The following ITGA11 variants were observed in gnomAD, a reference collection of about 807,000 sequenced individuals.
ITGA11 encodes integrin subunit alpha 11.
ITGA11 carries 97 observed loss-of-function variants against 141.9 expected under a neutral mutation model. The ratio of observed to expected loss-of-function variants is 0.68; its 90% CI spans 0.58 to 0.81. The LOEUF (loss-of-function observed/expected upper bound fraction) is 0.81. ITGA11 is among the 30% of genes least tolerant of loss of function. ITGA11 has a pLI of 0.00. For missense variants in ITGA11, 1,387 were observed against 1,559.2 expected (o/e 0.89, Z 1.86); for synonymous variants, 658 against 624.6 (o/e 1.05, Z -0.80).
At chr15:68,370,200 G>A (rs1895545460) in intron 2 of ITGA11, among the ~76,000 whole-genome samples, 1 of 152,184 alleles carries the variant, frequency 6.6e-6, no homozygotes, top group African/African-American at 2.4e-5. Context: ...CACGCAGGTT[G>A]TGATCATCTG....
intron 26 of ITGA11, among the ~76,000 whole-genome samples, chr15:68,309,401 C>T (rs557463164): frequency 6.6e-6 from 1 of 152,096 alleles, no homozygotes; most frequent in East Asian, 1.9e-4. Context: ...TGCTCCTGCT[C>T]GCTCCTCTCA....
intron 2 of ITGA11, among the ~76,000 whole-genome samples, chr15:68,373,972 T>A (rs985583476): frequency 6.6e-6 from 1 of 152,218 alleles, no homozygotes. Context: ...TTTTACTGCA[T>A]AGTAAGTCTG....
rs369089926 is a variant in ITGA11 at position 68,339,473 on chromosome 15, C to T, written c.1276+27G>A. ...GGTGCCCTCCCGGCCCACGACCCGC[C>T]AGCCTCCCCTCACTCTGCGCTCTTA... On this transcript the variant is annotated intron_variant, in intron 11 of 29. Transcript: ENST00000315757. The T allele has an allele frequency of 3.7e-6, 6 of 1,600,680 alleles. No individual in the cohort carries two copies. The African/African-American group carries it at 6.7e-5, about 18-fold the overall frequency.
At chr15:68,416,263 T>G (rs1419636475) in intron 1 of ITGA11, among the ~76,000 whole-genome samples, 1 of 152,068 alleles carries the variant, frequency 6.6e-6, no homozygotes, top group Non-Finnish European at 1.5e-5. Context: ...AAAAAAACAA[T>G]CAATCTGGGG....
chr15:68,365,427 G>C (rs1312784716), intron 3 of ITGA11: 20 of 694,284 alleles, frequency 2.9e-5, no homozygotes, highest in Non-Finnish European at 3.0e-5. Flanking sequence ...AATAGGGAGA[G>C]GGTCAGCTCT....
Position 68,320,202 on chromosome 15 carries a change from C to A in ITGA11, c.2599G>T (p.Ala867Ser). ...GGTCTTACCTTCTGGATCAAGCTGG[C>A]AAACTGCAGGTTTGCTGACTGCGAG... ...NISQSANLQFASLIQKEDSDG... is the reference protein window; with the variant it reads ...NISQSANLQFSSLIQKEDSDG... The change falls in exon 20 of 30, where the codon GCC becomes TCC. Residue 867 changes from alanine (A) to serine (S), a missense_variant. Coordinates refer to ENST00000315757, the MANE Select transcript of ITGA11 (RefSeq NM_001004439.2). 6.2e-7 allele frequency: 1 copy of A among 1,614,002 alleles called. No homozygotes were observed. The highest frequency in any genetic ancestry group is 2.2e-5 in the East Asian group (1 of 44,878).
Position 68,303,934 on chromosome 15 carries a change from G to C in ITGA11, c.3382-49C>G, listed in dbSNP as rs1294689466. The C allele has an allele frequency of 2.3e-6, 3 of 1,309,386 alleles. No homozygotes were observed. In the African/African-American group the frequency reaches 4.4e-5, roughly 19 times the overall value. The allele number at this position is 1,309,386 out of a possible 1,614,324, so 81.1% of individuals were successfully genotyped here. A position where few individuals can be genotyped will look rare whatever the true frequency, so the allele number is the denominator to read the frequency against. On this transcript the variant is annotated intron_variant, in intron 28 of 29. Transcript: ENST00000315757. This position sits in a 1 kb window ranked among gnomAD's most constrained non-coding sequence, Gnocchi z 5.3. ...CAACAGCATTACTCTTCTGGGGCTG[G>C]GGTGGCAGTCTGGGAGGGGCAGGAG...
intron 4 of ITGA11, among the ~76,000 whole-genome samples, chr15:68,363,692 G>A (rs186052114): frequency 3.4e-4 from 52 of 152,312 alleles, no homozygotes; most frequent in Middle Eastern, 3.4e-3. Context: ...TTTCTCTGAA[G>A]TCCTCTCCTG....
At chr15:68,361,740 G>A in intron 4 of ITGA11, 36 bp from the exon 5 acceptor site, 2 of 1,445,596 alleles carry the variant, frequency 1.4e-6, no homozygotes, top group Middle Eastern at 2.0e-4. Context: ...GTCAGTGAGG[G>A]GACCTCAGAG....
intron 1 of ITGA11, among the ~76,000 whole-genome samples, chr15:68,418,486 C>T (rs1400520169): frequency 2.0e-5 from 3 of 152,184 alleles, no homozygotes; most frequent in Non-Finnish European, 4.4e-5. Flanking sequence ...GTGAAAGGCA[C>T]ACACAGGACT....
In ITGA11 at chr15:68,397,445, A is replaced by T. The variant is rs1221806876; in HGVS notation, c.164+5473T>A. Among the ~76,000 whole-genome samples, 2 of 80,920 alleles carry T rather than the reference A, an allele frequency of 2.5e-5. 1 individual carries two copies. The highest frequency in any genetic ancestry group is 1.0e-4 in the African/African-American group (2 of 19,382). 53.1% of individuals were successfully genotyped at this position (80,920 alleles called of 152,430 possible). Reference sequence around the variant, plus strand: ...TAAATATTAATATAATAATAAATTAATAAAATATAAAATTATTAATATTTT... The same window carrying T: ...TAAATATTAATATAATAATAAATTATTAAAATATAAAATTATTAATATTTT... On this transcript the variant is annotated intron_variant, in intron 2 of 29. Coordinates refer to ENST00000315757, the MANE Select transcript of ITGA11 (RefSeq NM_001004439.2).
Position 68,302,086 on chromosome 15 carries a change from G to GTGTGTA in ITGA11, c.*972_*973insTACACA, listed in dbSNP as rs1893049430. On this transcript the variant is annotated 3_prime_UTR_variant, in exon 30 of 30. Transcript: ENST00000315757. ...TGTGTGTGTGTGTGTGTGTGTGTGT[G>GTGTGTA]TGTGTGTGTGTGTGTGTGTGTGTGT... The GTGTGTA allele has an allele frequency of 1.3e-5, 1 of 74,700 alleles. No homozygotes were observed. The allele number at this position is 74,700 out of a possible 1,614,324, so 4.6% of individuals were successfully genotyped here. A position where few individuals can be genotyped will look rare whatever the true frequency, so the allele number is the denominator to read the frequency against.
chr15:68,392,661 T>C (rs1313798037), intron 2 of ITGA11, among the ~76,000 whole-genome samples: 4 of 152,046 alleles, frequency 2.6e-5, no homozygotes. Flanking sequence ...GGAGCAGAGA[T>C]TTTAGAGGTT....
rs372287871 is a variant in ITGA11, at chr15:68,415,337, T to A, written c.53-12308A>T. ...GGGACGAAGAAATTGTGTCTTCTGA[T>A]GGAGTCTAGAGAAAGGGGAGGGGTT... On this transcript the variant is annotated intron_variant, in intron 1 of 29. Coordinates refer to ENST00000315757, the MANE Select transcript of ITGA11 (RefSeq NM_001004439.2). 2.4e-4 allele frequency among the ~76,000 whole-genome samples: 36 copies of A among 152,254 alleles called. No homozygotes were observed. The South Asian group carries it at 4.8e-3, about 20-fold the overall frequency.
rs571725465 is a variant in ITGA11 at position 68,324,211 on chromosome 15, G to A, written c.2322+920C>T. Among the ~76,000 whole-genome samples, 1 of 152,146 alleles carries A rather than the reference G, an allele frequency of 6.6e-6. No individual in the cohort carries two copies. The highest frequency in any genetic ancestry group is 2.1e-4 in the South Asian group (1 of 4,796). On this transcript the variant is annotated intron_variant, in intron 18 of 29. Coordinates refer to ENST00000315757, the MANE Select transcript of ITGA11 (RefSeq NM_001004439.2). This position sits in a 1 kb window ranked among gnomAD's most constrained non-coding sequence, Gnocchi z 6.3. ...GGGGAGAGGGGTGTGGAGGGGCTGT[G>A]GGGGATGATGGGTGTGAATGAGAGA...
Position 68,303,206 on chromosome 15 carries a change from C to T in ITGA11, c.3496-76G>A, listed in dbSNP as rs148755128. 3 of 1,296,436 alleles carry T rather than the reference C, an allele frequency of 2.3e-6. No homozygotes were observed. Among genetic ancestry groups the T allele is most frequent in the Non-Finnish European group, 3.2e-6 (3 of 927,726 alleles). The allele number at this position is 1,296,436 out of a possible 1,614,324, so 80.3% of individuals were successfully genotyped here. A position where few individuals can be genotyped will look rare whatever the true frequency, so the allele number is the denominator to read the frequency against. On this transcript the variant is annotated intron_variant, in intron 29 of 29. Transcript: ENST00000315757. This position sits in a 1 kb window ranked among gnomAD's most constrained non-coding sequence, Gnocchi z 5.3. ...CCTGCCCCAGCTTTCCCTCCACTAC[C>T]TTTCCTTGGGATTCCTCCCTCAGGG...
rs1211508194 is a variant in ITGA11, at chr15:68,429,404, CA to C, written c.52+2610del. 3.3e-5 allele frequency among the ~76,000 whole-genome samples: 5 copies of C among 152,236 alleles called. No homozygotes were observed. In the East Asian group the frequency reaches 9.6e-4, roughly 29 times the overall value. Reference sequence around the variant, plus strand: ...CTTCTAAGAATCATCACCCTTCCTACAGATAGGTTATGACTGTAAAGCTCTG... The same window carrying C: ...CTTCTAAGAATCATCACCCTTCCTACGATAGGTTATGACTGTAAAGCTCTG... On this transcript the variant is annotated intron_variant, in intron 1 of 29. Transcript: ENST00000315757.
At chr15:68,347,134 C>T (rs534586402) in intron 10 of ITGA11, among the ~76,000 whole-genome samples, 53 of 152,328 alleles carry the variant, frequency 3.5e-4, no homozygotes, top group Admixed American at 9.8e-4. Context: ...TCAGCTCTGA[C>T]GTCAGAGTCT....
intron 25 of ITGA11, 63 bp downstream of exon 25, chr15:68,311,227 G>T (rs1055086567): frequency 1.2e-5 from 15 of 1,303,836 alleles, no homozygotes; most frequent in Non-Finnish European, 1.5e-5. Context: ...GGGGACACAC[G>T]TAGGGGGAGT....
Sources: allele counts gnomAD v4.1 joint callset (sites outside exome capture counted in the v4.1 genomes callset), GRCh38; gene constraint gnomAD v4.1.1; non-coding constraint Gnocchi (gnomAD v3.1); transcripts MANE v1.5; gene names NCBI Gene and HGNC (gene_info 2026-07-23, HGNC 2026-07-21).